The following CFI variants were observed in gnomAD, a reference collection of about 807,000 sequenced individuals.
CFI encodes C3B/C4B inactivator.
In CFI, 66 loss-of-function variants were observed where a neutral mutation model predicts 78.8. The ratio of observed to expected loss-of-function variants is 0.84; its 90% CI spans 0.69 to 1.03. The LOEUF is 1.03. CFI is among the 50% of genes least tolerant of loss of function. The pLI is 0.00. For synonymous variants in CFI, 250 were observed against 232.6 expected (o/e 1.07, Z -0.68); for missense variants, 706 against 704.5 (o/e 1.00, Z -0.02).
At position 109,801,906 on chromosome 4, in the gene CFI, A is replaced by G. The variant is rs189973137; in HGVS notation, c.57+9T>C. ...TTAAAATTGTTTGCATAAAGGTTGAATTACTTACCTTGCAAAACCTTAAGT... is the reference window on the plus strand; with the variant it reads ...TTAAAATTGTTTGCATAAAGGTTGAGTTACTTACCTTGCAAAACCTTAAGT... On this transcript the variant is annotated intron_variant, in intron 1 of 12. Transcript: ENST00000394634. The G allele has an allele frequency of 7.8e-5, 124 of 1,590,990 alleles. No individual in the cohort carries two copies. In the East Asian group the frequency reaches 2.8e-3, roughly 36 times the overall value.
intron 1 of CFI, among the ~76,000 whole-genome samples, chr4:109,777,340 G>T (rs111412729): frequency 6.6e-6 from 1 of 151,904 alleles, no homozygotes; most frequent in Non-Finnish European, 1.5e-5. Context: ...TCCTAGTCTC[G>T]GATAAAACAG....
Position 109,757,846 on chromosome 4 carries a change from G to T in CFI, c.884-63C>A, listed in dbSNP as rs7437142. 1,334,042 of 1,342,580 alleles carry T rather than the reference G, an allele frequency of 0.99. 663,174 individuals carry two copies. Among genetic ancestry groups the T allele is most frequent in the East Asian group, 1 (41,324 of 41,324 alleles). 83.2% of individuals were successfully genotyped at this position (1,342,580 alleles called of 1,614,324 possible). On this transcript the variant is annotated intron_variant, in intron 6 of 12. Coordinates refer to ENST00000394634, the MANE Select transcript of CFI (RefSeq NM_000204.5). ...ATTTTTGGAAAAAATGCACACTATA[G>T]CAATATACTATACATATATCATGAA...
intron 8 of CFI, among the ~76,000 whole-genome samples, chr4:109,750,022 A>T (rs577990663): frequency 6.6e-6 from 1 of 151,546 alleles, no homozygotes; most frequent in Admixed American, 6.6e-5. Flanking sequence ...TTTGAGATGG[A>T]GTCTCAGTCT....
intron 1 of CFI, among the ~76,000 whole-genome samples, chr4:109,790,502 A>G (rs1474842340): frequency 6.6e-6 from 1 of 152,048 alleles, no homozygotes; most frequent in Non-Finnish European, 1.5e-5. Flanking sequence ...AACTCGTGTC[A>G]TGGGGGTTTG....
At chr4:109,776,081 T>A (rs1729198597) in intron 1 of CFI, among the ~76,000 whole-genome samples, 1 of 152,170 alleles carries the variant, frequency 6.6e-6, no homozygotes, top group Non-Finnish European at 1.5e-5. Context: ...GCACCTCTTC[T>A]CCTTGCCAGC....
intron 6 of CFI, among the ~76,000 whole-genome samples, chr4:109,759,408 G>T (rs1205780231): frequency 6.6e-6 from 1 of 152,066 alleles, no homozygotes; most frequent in Non-Finnish European, 1.5e-5. Context: ...ATTCAAAAAA[G>T]ACATTTTTGA....
intron 1 of CFI, chr4:109,794,167 G>A (rs1044782982): frequency 1.3e-5 from 2 of 152,104 alleles, no homozygotes; most frequent in Non-Finnish European, 2.9e-5. Context: ...AATGTGGACA[G>A]CCATGCATTT....
the CFI span, among the ~76,000 whole-genome samples, chr4:109,734,665 G>A: frequency 3.3e-5 from 5 of 152,076 alleles, no homozygotes; most frequent in South Asian, 4.1e-4. Context: ...TTACCTGGGC[G>A]TGGTGGCAGG....
At chr4:109,743,147 C>G (rs1724008052) in intron 11 of CFI, among the ~76,000 whole-genome samples, 1 of 152,218 alleles carries the variant, frequency 6.6e-6, no homozygotes, top group Non-Finnish European at 1.5e-5. Context: ...ATCTGCCCCA[C>G]TCAGCCTCCC....
chr4:109,777,754 T>G (rs1729455877), intron 1 of CFI, among the ~76,000 whole-genome samples: 2 of 152,096 alleles, frequency 1.3e-5, no homozygotes, highest in South Asian at 2.1e-4. Flanking sequence ...TCAGCAAATG[T>G]AAAAGAACAG....
chr4:109,786,021 T>C (rs1730692068), intron 1 of CFI, among the ~76,000 whole-genome samples: 1 of 151,740 alleles, frequency 6.6e-6, no homozygotes, highest in Admixed American at 6.6e-5. Context: ...ACTAATACAA[T>C]GGGCTTTTAA....
intron 2 of CFI, among the ~76,000 whole-genome samples, chr4:109,766,012 G>T (rs931075162): frequency 1.3e-5 from 2 of 152,090 alleles, no homozygotes; most frequent in African/African-American, 4.8e-5. Context: ...CAGCTACTCA[G>T]GAGGCTGAGG....
intron 1 of CFI, among the ~76,000 whole-genome samples, chr4:109,775,995 C>G (rs1729186601): frequency 6.6e-6 from 1 of 152,142 alleles, no homozygotes; most frequent in Non-Finnish European, 1.5e-5. Context: ...TCACCATCAT[C>G]AAAGACCAAA....
intron 7 of CFI, among the ~76,000 whole-genome samples, chr4:109,756,973 G>A (rs146761541): frequency 6.5e-5 from 9 of 138,684 alleles, no homozygotes; most frequent in Non-Finnish European, 9.5e-5. Context: ...AAGAAAGAAA[G>A]AAAGAAATTC....
At chr4:109,796,280 A>T (rs376689576) in intron 1 of CFI, among the ~76,000 whole-genome samples, 4 of 152,296 alleles carry the variant, frequency 2.6e-5, no homozygotes, top group South Asian at 2.1e-4. Flanking sequence ...AGAATATTAC[A>T]CCCAGAAAAA....
intron 1 of CFI, among the ~76,000 whole-genome samples, chr4:109,772,974 T>C (rs946514950): frequency 9.2e-5 from 14 of 152,186 alleles, no homozygotes; most frequent in African/African-American, 2.7e-4. Context: ...ATAGAAAGAT[T>C]GCATTTTCCC....
At chr4:109,751,458 T>TG (rs1725127793) in intron 8 of CFI, among the ~76,000 whole-genome samples, 1 of 148,450 alleles carries the variant, frequency 6.7e-6, no homozygotes, top group African/African-American at 2.5e-5. Context: ...TTTTTTTTTT[T>TG]TGAGATGGAG....
intron 1 of CFI, among the ~76,000 whole-genome samples, chr4:109,788,342 T>C (rs1365145281): frequency 1.3e-5 from 2 of 152,248 alleles, no homozygotes; most frequent in Non-Finnish European, 2.9e-5. Flanking sequence ...ATTCCCATCA[T>C]CAATATATGA....
intron 1 of CFI, among the ~76,000 whole-genome samples, chr4:109,796,242 CA>C (rs1038354350): frequency 2.0e-5 from 3 of 151,868 alleles, no homozygotes; most frequent in Admixed American, 6.6e-5. Context: ...AACGAAGAAA[CA>C]AAAAACCCCA....
Sources: gnomAD v4.1 joint callset for allele counts (sites outside exome capture counted in the v4.1 genomes callset) on GRCh38, gnomAD v4.1.1 for gene constraint, MANE v1.5 for transcripts, NCBI Gene and HGNC (gene_info 2026-07-23, HGNC 2026-07-21) for gene names.